TRIM36: variants seen among roughly 807,000 people sequenced by gnomAD.
TRIM36 encodes E3 ubiquitin-protein ligase TRIM36.
A neutral mutation model predicts 72.4 loss-of-function variants in TRIM36; 42 were observed. The ratio of observed to expected loss-of-function variants is 0.58; its 90% confidence interval spans 0.45 to 0.75. The LOEUF (loss-of-function observed/expected upper bound fraction) is 0.75, where lower values mean the gene tolerates loss of function less well. TRIM36 is among the 30% of genes least tolerant of loss of function. The pLI is 0.00. For synonymous variants in TRIM36, 315 were observed against 282.8 expected (o/e 1.11, Z -1.14); for missense variants, 913 against 857.1 (o/e 1.07, Z -0.81).
chr5:115,177,875 A>G, intron 1 of TRIM36: 1 of 1,613,946 alleles, frequency 6.2e-7, no homozygotes, highest in East Asian at 2.2e-5. Flanking sequence ...GCTGAAGCCT[A>G]GTGAAGAGAG....
intron 9 of TRIM36, among the ~76,000 whole-genome samples, chr5:115,128,256 C>T (rs952330395): frequency 2.6e-5 from 4 of 151,478 alleles, no homozygotes; most frequent in African/African-American, 9.7e-5. Context: ...GTAATCCCAG[C>T]TAGTCGGGAG....
In TRIM36 at chr5:115,177,445, A is replaced by C. The variant is rs545654868; in HGVS notation, c.63+2530T>G. On this transcript the variant is annotated intron_variant, in intron 1 of 9. Transcript: ENST00000282369. ...CTACTCTCTTAACTCTCATAATTAG[A>C]CCAGTTTCCCATTATTCTTTACATT... The C allele has an allele frequency of 2.0e-3, 1,973 of 993,106 alleles. 4 individuals are homozygous for C. Among genetic ancestry groups the C allele is most frequent in the Admixed American group, 4.5e-3 (115 of 25,342 alleles). The allele number at this position is 993,106 out of a possible 1,614,324, so 61.5% of individuals were successfully genotyped here.
At chr5:115,143,584 G>A (rs530929533) in intron 4 of TRIM36, among the ~76,000 whole-genome samples, 56 of 152,036 alleles carry the variant, frequency 3.7e-4, no homozygotes, top group African/African-American at 1.2e-3. Flanking sequence ...CCTGTATTTC[G>A]TATGTGCAGA....
chr5:115,129,286 G>A (rs1006526776), intron 9 of TRIM36, among the ~76,000 whole-genome samples: 1 of 152,222 alleles, frequency 6.6e-6, no homozygotes, highest in African/African-American at 2.4e-5. Context: ...CTACAGGCCA[G>A]GTGCGGTGGC....
chr5:115,176,804 A>G (rs1755361372), intron 1 of TRIM36, among the ~76,000 whole-genome samples: 1 of 152,214 alleles, frequency 6.6e-6, no homozygotes, highest in Non-Finnish European at 1.5e-5. Context: ...ATCCAAAGAG[A>G]TTAGCTGCAA....
chr5:115,137,352 A>G lies in TRIM36; in HGVS notation c.1085+11T>C. 6.3e-7 allele frequency: 1 copy of G among 1,596,672 alleles called. No individual in the cohort carries two copies. Among genetic ancestry groups the G allele is most frequent in the Non-Finnish European group, 8.5e-7 (1 of 1,174,042 alleles). On this transcript the variant is annotated intron_variant, in intron 6 of 9. Coordinates refer to ENST00000513154, the MANE Select transcript of TRIM36 (RefSeq NM_001300759.2). ...TCAATAGGTTCTAAAGTTAGAAGTA[A>G]AAGAGAATACCTGAGGTGGAGCTGC...
chr5:115,131,610 A>G (rs66584770), intron 8 of TRIM36, among the ~76,000 whole-genome samples: 4 of 152,102 alleles, frequency 2.6e-5, no homozygotes, highest in Admixed American at 1.3e-4. Context: ...GTATATACAT[A>G]CAATGGAATA....
At chr5:115,146,429 T>C (rs866403063) in intron 3 of TRIM36, among the ~76,000 whole-genome samples, 1 of 152,174 alleles carries the variant, frequency 6.6e-6, no homozygotes, top group South Asian at 2.1e-4. Flanking sequence ...AAAATCTATA[T>C]ACATCAGAAA....
chr5:115,137,323 T>C (rs769508756), intron 6 of TRIM36, 40 bp downstream of exon 6: 1 of 1,569,218 alleles, frequency 6.4e-7, no homozygotes. Context: ...TTTAATAACA[T>C]TGCTCAATAG....
At chr5:115,169,495 G>T in intron 1 of TRIM36, 113 bp downstream of exon 1, 1 of 1,196,816 alleles carries the variant, frequency 8.4e-7, no homozygotes, top group Non-Finnish European at 1.1e-6. Flanking sequence ...CCACACGCCT[G>T]CCTTTGCTCT....
chr5:115,133,727 C>G, intron 8 of TRIM36, 133 bp downstream of exon 8: 1 of 837,350 alleles, frequency 1.2e-6, no homozygotes, highest in Non-Finnish European at 1.7e-6. Flanking sequence ...GGGATAGAAG[C>G]TACTTTTCTG....
chr5:115,164,506 A>G (rs1322667904), intron 1 of TRIM36, among the ~76,000 whole-genome samples: 1 of 152,224 alleles, frequency 6.6e-6, no homozygotes, highest in Non-Finnish European at 1.5e-5. Flanking sequence ...GATCTGTGTT[A>G]CGTGGTGGCA....
chr5:115,135,673 C>T (rs1457721362), intron 7 of TRIM36, among the ~76,000 whole-genome samples: 1 of 152,108 alleles, frequency 6.6e-6, no homozygotes, highest in Non-Finnish European at 1.5e-5. Flanking sequence ...GGACCTAGGA[C>T]TCACAAGTAA....
chr5:115,147,492 A>C, intron 2 of TRIM36, 98 bp from the exon 3 acceptor site: 3 of 1,356,908 alleles, frequency 2.2e-6, no homozygotes, highest in Non-Finnish European at 3.0e-6. Flanking sequence ...CTACAAATGT[A>C]TCACAAAAAC....
At chr5:115,139,822 G>T (rs943536076) in intron 5 of TRIM36, among the ~76,000 whole-genome samples, 1 of 152,112 alleles carries the variant, frequency 6.6e-6, no homozygotes, top group Non-Finnish European at 1.5e-5. Flanking sequence ...CTATCCCAAG[G>T]AATCAGTGTC....
chr5:115,167,552 T>A (rs1392180722), intron 1 of TRIM36, among the ~76,000 whole-genome samples: 1 of 152,228 alleles, frequency 6.6e-6, no homozygotes, highest in African/African-American at 2.4e-5. Context: ...TGCTAAAGCA[T>A]AGCAAGAGTC....
intron 1 of TRIM36, among the ~76,000 whole-genome samples, chr5:115,165,814 C>G (rs1334535761): frequency 1.3e-5 from 2 of 152,122 alleles, no homozygotes; most frequent in African/African-American, 2.4e-5. Flanking sequence ...TCTCTTCCCC[C>G]ACATGCTCAG....
chr5:115,126,239 C>T lies in TRIM36; in HGVS notation c.*264G>A. ...ACAGAAATAAATTAGATATCCTGTACATAAAGTAAAAGACAGTCCAGTTGC... is the reference window on the plus strand; with the variant it reads ...ACAGAAATAAATTAGATATCCTGTATATAAAGTAAAAGACAGTCCAGTTGC... On this transcript the variant is annotated 3_prime_UTR_variant, in exon 10 of 10. Coordinates refer to ENST00000513154, the MANE Select transcript of TRIM36 (RefSeq NM_001300759.2). 5.3e-6 allele frequency: 2 copies of T among 380,868 alleles called. No individual in the cohort carries two copies. The highest frequency in any genetic ancestry group is 6.9e-5 in the South Asian group (1 of 14,404). The allele number at this position is 380,868 out of a possible 1,614,324, so 23.6% of individuals were successfully genotyped here. A position where few individuals can be genotyped will look rare whatever the true frequency, so the allele number is the denominator to read the frequency against.
intron 2 of TRIM36, among the ~76,000 whole-genome samples, chr5:115,161,882 C>G (rs910997219): frequency 6.6e-6 from 1 of 152,202 alleles, no homozygotes; most frequent in Non-Finnish European, 1.5e-5. Context: ...GCCTGGGGCT[C>G]TCTTCATTAA....
Sources: gnomAD v4.1 joint callset for allele counts (sites outside exome capture counted in the v4.1 genomes callset) on GRCh38, gnomAD v4.1.1 for gene constraint, MANE v1.5 for transcripts, NCBI Gene and HGNC (gene_info 2026-07-23, HGNC 2026-07-21) for gene names.